PIAS4: variants seen among roughly 807,000 people sequenced by gnomAD.
The protein encoded by PIAS4 is E3 SUMO-protein ligase PIAS4.
A neutral mutation model predicts 58.0 loss-of-function variants in PIAS4; 7 were observed. The observed-to-expected ratio is 0.12, with a 90% CI of 0.07 to 0.23. PIAS4 has a LOEUF of 0.23. Among genes scored for constraint, PIAS4 ranks in the 10% least tolerant of loss-of-function variants. PIAS4 has a pLI of 1.00. For synonymous variants in PIAS4, 364 were observed against 312.4 expected (o/e 1.17, Z -1.74); for missense variants, 550 against 709.5 (o/e 0.78, Z 2.55).
rs1599238151 is a variant in PIAS4, at chr19:4,038,685, G to A, written c.*810G>A. ...TTCCAATTCAGGTTAACTTCCCTAC[G>A]GAACAGCACAGATGTCCACAGATGT... On this transcript the variant is annotated 3_prime_UTR_variant, in exon 11 of 11. Coordinates refer to ENST00000262971, the MANE Select transcript of PIAS4 (RefSeq NM_015897.4). The surrounding 1 kb of genome is among the most constrained non-coding windows in gnomAD (Gnocchi z 4.1). The A allele has an allele frequency of 1.3e-5, 2 of 153,250 alleles. No homozygotes were observed. The highest frequency in any genetic ancestry group is 1.9e-4 in the East Asian group (1 of 5,188). 9.5% of individuals were successfully genotyped at this position (153,250 alleles called of 1,614,324 possible).
chr19:4,021,278 A>G (rs933236470), intron 2 of PIAS4, among the ~76,000 whole-genome samples: 1 of 152,104 alleles, frequency 6.6e-6, no homozygotes, highest in East Asian at 1.9e-4. Context: ...CCTCCCGAGT[A>G]GCTGGGATTA....
chr19:4,019,196 GA>G (rs2040083684), intron 2 of PIAS4, among the ~76,000 whole-genome samples: 1 of 152,212 alleles, frequency 6.6e-6, no homozygotes, highest in Admixed American at 6.5e-5. Flanking sequence ...CCCGAGGGCA[GA>G]AGGGCAGGTT....
At chr19:4,036,549 T>TATACAGTCCACACCGTCACACATCC (rs1456691207) in intron 9 of PIAS4, among the ~76,000 whole-genome samples, 1 of 132,448 alleles carries the variant, frequency 7.6e-6, no homozygotes, top group Non-Finnish European at 1.6e-5. Flanking sequence ...TGCACACATC[T>TATACAGTCCACACCGTCACACATCC]ATACAGTCCA....
intron 2 of PIAS4, among the ~76,000 whole-genome samples, chr19:4,021,734 T>TTCTTTG (rs1568215401): frequency 2.7e-5 from 4 of 149,756 alleles, no homozygotes; most frequent in African/African-American, 9.9e-5. Context: ...GACCTGCATT[T>TTCTTTG]TCTTTTTCTT....
chr19:4,026,981 G>A (rs1308831012), intron 3 of PIAS4, among the ~76,000 whole-genome samples: 2 of 151,584 alleles, frequency 1.3e-5, no homozygotes, highest in Non-Finnish European at 2.9e-5. Context: ...CCAAGTAGCT[G>A]GGACTACAGG....
intron 1 of PIAS4, among the ~76,000 whole-genome samples, 162 bp downstream of exon 1, chr19:4,007,949 G>T (rs1020698338): frequency 6.6e-6 from 1 of 151,364 alleles, no homozygotes; most frequent in Admixed American, 6.6e-5. Context: ...CAGGGTGAGG[G>T]CGGGGGGCGG....
At chr19:4,010,293 G>T (rs2039980233) in intron 1 of PIAS4, among the ~76,000 whole-genome samples, 1 of 152,216 alleles carries the variant, frequency 6.6e-6, no homozygotes, top group Admixed American at 6.5e-5. Context: ...TGTGCTCCGG[G>T]AAGCGGGAGC....
chr19:4,036,317 C>G (rs1444196500), intron 9 of PIAS4, among the ~76,000 whole-genome samples: 3 of 113,150 alleles, frequency 2.7e-5, no homozygotes, highest in African/African-American at 5.8e-5. Flanking sequence ...CAGTCCACAC[C>G]TGTTACATGC....
At chr19:4,024,231 A>G in intron 3 of PIAS4, 111 bp downstream of exon 3, 1 of 790,972 alleles carries the variant, frequency 1.3e-6, no homozygotes, top group Non-Finnish European at 2.2e-6. Context: ...GCTCGGGCTC[A>G]GTCCAGAACC....
At chr19:4,014,457 C>G (rs1454000419) in intron 2 of PIAS4, among the ~76,000 whole-genome samples, 1 of 152,178 alleles carries the variant, frequency 6.6e-6, no homozygotes, top group Non-Finnish European at 1.5e-5. Context: ...GGGAGCGGAA[C>G]GTCCTGGGCC....
At chr19:4,023,860 G>A (rs1027544578) in intron 2 of PIAS4, among the ~76,000 whole-genome samples, 176 bp from the exon 3 acceptor site, 5 of 152,198 alleles carry the variant, frequency 3.3e-5, no homozygotes, top group African/African-American at 4.8e-5. Flanking sequence ...GGGGATGGGC[G>A]GGAGTCCTCC....
At chr19:4,030,362 G>A (rs868351289) in intron 7 of PIAS4, among the ~76,000 whole-genome samples, 1 of 151,276 alleles carries the variant, frequency 6.6e-6, no homozygotes, top group Non-Finnish European at 1.5e-5. Context: ...GCTCACACCT[G>A]TAATCCCAGC....
chr19:4,036,983 T>G (rs911059465), intron 9 of PIAS4, among the ~76,000 whole-genome samples: 11 of 152,262 alleles, frequency 7.2e-5, no homozygotes, highest in African/African-American at 2.4e-4. Flanking sequence ...ACGCACATGC[T>G]CGCACACATG....
In PIAS4 at chr19:4,013,199, G is replaced by A. The variant is rs943597496; in HGVS notation, c.304G>A (p.Ala102Thr). 2 of 1,613,526 alleles carry A rather than the reference G, an allele frequency of 1.2e-6. No homozygotes were observed. The highest frequency in any genetic ancestry group is 1.7e-6 in the Non-Finnish European group (2 of 1,180,024). ...CGGCGCTGTGCCCAGGACTCCGCTG[G>A]CAGGCCCCAATATTGACTACCCCGT... ...RAGAVPRTPL[A>T]GPNIDYPVLY... The change falls in exon 2 of 11, where the codon GCA becomes ACA. Residue 102 changes from alanine (A) to threonine (T), a missense_variant. Around this residue, in one of 4 missense-constraint regions of PIAS4, gnomAD observed 95 missense variants for 87.5 expected, o/e 1.09. Transcript: ENST00000262971. This position sits in a 1 kb window ranked among gnomAD's most constrained non-coding sequence, Gnocchi z 5.1.
intron 9 of PIAS4, among the ~76,000 whole-genome samples, chr19:4,033,858 C>G (rs771094046): frequency 6.6e-6 from 1 of 152,186 alleles, no homozygotes; most frequent in Non-Finnish European, 1.5e-5. Flanking sequence ...CAAGTGTGAC[C>G]CTGAGCTCCA....
At position 4,028,111 on chromosome 19, in the gene PIAS4, C is replaced by T. The variant is rs751452387; in HGVS notation, c.540-35C>T. On this transcript the variant is annotated intron_variant, in intron 3 of 10. Transcript: ENST00000262971. ...GGTCACGCCCTCCTCACTCAGCTCT[C>T]CTTTCCTTTCCTCTGGTTTGCTCCA... 15 of 1,611,310 alleles carry T rather than the reference C, an allele frequency of 9.3e-6. 1 individual carries two copies. In the South Asian group the frequency reaches 1.4e-4, roughly 15 times the overall value.
chr19:4,018,914 G>A (rs1238883468), intron 2 of PIAS4, among the ~76,000 whole-genome samples: 2 of 151,918 alleles, frequency 1.3e-5, no homozygotes, highest in African/African-American at 4.9e-5. Context: ...ATGGCTGGTG[G>A]GGCCCAAGCA....
At position 4,038,233 on chromosome 19, in the gene PIAS4, G is replaced by A. The variant is rs1055020852; in HGVS notation, c.*358G>A. ...CCGCGCCCTCCCCTCCGGATGCCCC[G>A]CCGCCCGCCGCCCTCTGCCCACGAC... On this transcript the variant is annotated 3_prime_UTR_variant, in exon 11 of 11. Transcript: ENST00000262971. The surrounding 1 kb of genome is among the most constrained non-coding windows in gnomAD (Gnocchi z 4.1). 4.2e-6 allele frequency: 1 copy of A among 237,696 alleles called. No individual in the cohort carries two copies. Among genetic ancestry groups the A allele is most frequent in the Non-Finnish European group, 8.1e-6 (1 of 123,580 alleles). 14.7% of individuals were successfully genotyped at this position (237,696 alleles called of 1,614,324 possible).
intron 9 of PIAS4, among the ~76,000 whole-genome samples, chr19:4,036,056 A>G (rs1317693915): frequency 1.4e-5 from 2 of 146,030 alleles, no homozygotes; most frequent in East Asian, 2.1e-4. Context: ...ACACACATCT[A>G]TACAGTCCAC....
Sources: allele counts gnomAD v4.1 joint callset (sites outside exome capture counted in the v4.1 genomes callset), GRCh38; gene constraint gnomAD v4.1.1; regional missense constraint gnomAD v4.1.1; non-coding constraint Gnocchi (gnomAD v3.1); transcripts MANE v1.5; gene names NCBI Gene and HGNC (gene_info 2026-07-23, HGNC 2026-07-21).